Variants in PIK3C2B observed in about 807,000 individuals in gnomAD.
PIK3C2B encodes the protein phosphatidylinositol-4-phosphate 3-kinase catalytic subunit type 2 beta.
Under a neutral mutation model 184.3 loss-of-function variants are expected in PIK3C2B, and 83 were observed. The ratio of observed to expected loss-of-function variants is 0.45; its 90% confidence interval spans 0.38 to 0.54. The LOEUF (loss-of-function observed/expected upper bound fraction) is 0.54. Among genes scored for constraint, PIK3C2B ranks in the 20% least tolerant of loss-of-function variants. The probability of loss-of-function intolerance (pLI) is 0.00; values close to 1 mark genes in which losing one functional copy is unlikely to be tolerated. For missense variants in PIK3C2B, 1,736 were observed against 2,113.5 expected, an observed-to-expected ratio of 0.82 and a Z score of 3.50; for synonymous variants, 779 against 837.6, an observed-to-expected ratio of 0.93 and a Z score of 1.21.
At chr1:204,476,342 C>G (rs367962031) in intron 1 of PIK3C2B, among the ~76,000 whole-genome samples, 1 of 151,900 alleles carries the variant, frequency 6.6e-6, no homozygotes, top group Non-Finnish European at 1.5e-5. Context: ...GAAGCCGAGG[C>G]GGGGGGATTG....
intron 28 of PIK3C2B, among the ~76,000 whole-genome samples, 186 bp from the exon 29 acceptor site, chr1:204,430,224 C>T (rs1455508854): frequency 6.6e-6 from 1 of 152,184 alleles, no homozygotes; most frequent in Admixed American, 6.5e-5. Context: ...GGTCTGACAC[C>T]TGCTCAGCAT....
At chr1:204,493,745 A>C (rs149775572) in intron 1 of PIK3C2B, among the ~76,000 whole-genome samples, 3 of 152,178 alleles carry the variant, frequency 2.0e-5, no homozygotes, top group Non-Finnish European at 4.4e-5. Context: ...GGAGCTGAAA[A>C]TGAGGGACAA....
chr1:204,448,100 CTTATT>C (rs1328688958), intron 14 of PIK3C2B, among the ~76,000 whole-genome samples: 2 of 152,162 alleles, frequency 1.3e-5, no homozygotes, highest in African/African-American at 4.8e-5. Flanking sequence ...ATTCAAAAAA[CTTATT>C]TATTTATTCA....
At chr1:204,466,353 G>T (rs1044932546) in intron 2 of PIK3C2B, among the ~76,000 whole-genome samples, 1 of 152,170 alleles carries the variant, frequency 6.6e-6, no homozygotes, top group Non-Finnish European at 1.5e-5. Context: ...CAACCTCTTG[G>T]CTACTCTCAA....
chr1:204,431,243 G>GT, intron 28 of PIK3C2B: 4 of 243,506 alleles, frequency 1.6e-5, no homozygotes, highest in South Asian at 5.8e-5. Context: ...TGCCGTTTTT[G>GT]TTTTTTTGTG....
chr1:204,424,509 C>CT lies in PIK3C2B; in HGVS notation c.*342_*343insA. ...TTTTTAAAAATAAAAATTAAGATAT[C>CT]CACCCACCCACCCCCAAAATGCTAC... On this transcript the variant is annotated 3_prime_UTR_variant, in exon 33 of 33. Coordinates refer to ENST00000684373, the MANE Select transcript of PIK3C2B (RefSeq NM_001377334.1). The CT allele has an allele frequency of 3.3e-6, 1 of 302,974 alleles. No individual in the cohort carries two copies. Among genetic ancestry groups the CT allele is most frequent in the South Asian group, 2.7e-5 (1 of 37,098 alleles). 18.8% of individuals were successfully genotyped at this position (302,974 alleles called of 1,614,324 possible).
chr1:204,455,721 C>G, intron 11 of PIK3C2B, 135 bp downstream of exon 11: 2 of 714,992 alleles, frequency 2.8e-6, no homozygotes, highest in Non-Finnish European at 4.5e-6. Context: ...CCCCCGCAGC[C>G]CCATTGCACC....
In PIK3C2B at chr1:204,447,300, TG is replaced by T; in HGVS notation, c.2489+135del. ...TAGTGTCAGCTGATGGAGAAAGGCC[TG>T]GGGGCTGCCTCCACTTCCTGCTGAG... On this transcript the variant is annotated intron_variant, in intron 15 of 32. Transcript: ENST00000684373. This position sits in a 1 kb window ranked among gnomAD's most constrained non-coding sequence, Gnocchi z 4.1. The T allele has an allele frequency of 2.6e-6, 2 of 772,016 alleles. No individual in the cohort carries two copies. The highest frequency in any genetic ancestry group is 4.2e-6 in the Non-Finnish European group (2 of 478,236). The allele number at this position is 772,016 out of a possible 1,614,324, so 47.8% of individuals were successfully genotyped here.
At chr1:204,479,736 A>T (rs1023046171) in intron 1 of PIK3C2B, among the ~76,000 whole-genome samples, 1 of 152,160 alleles carries the variant, frequency 6.6e-6, no homozygotes, top group African/African-American at 2.4e-5. Flanking sequence ...CCAGATTGTC[A>T]CCACTGTCAC....
chr1:204,472,050 C>G (rs959565281), intron 1 of PIK3C2B, among the ~76,000 whole-genome samples: 3 of 152,100 alleles, frequency 2.0e-5, no homozygotes, highest in Admixed American at 2.0e-4. Context: ...ATCCTTTTCT[C>G]TAGAAGCCAT....
chr1:204,452,905 G>A (rs560665458), intron 12 of PIK3C2B, among the ~76,000 whole-genome samples: 23 of 152,026 alleles, frequency 1.5e-4, no homozygotes, highest in African/African-American at 4.8e-4. Flanking sequence ...TGATTATCCC[G>A]CCTTGTCCTC....
At chr1:204,440,785 A>G (rs1319061509) in intron 21 of PIK3C2B, among the ~76,000 whole-genome samples, 1 of 146,794 alleles carries the variant, frequency 6.8e-6, no homozygotes, top group Admixed American at 6.7e-5. Context: ...ATATATATAT[A>G]TATTTTTAGT....
intron 2 of PIK3C2B, among the ~76,000 whole-genome samples, chr1:204,465,935 T>C (rs893812393): frequency 3.9e-5 from 6 of 152,224 alleles, no homozygotes; most frequent in African/African-American, 7.2e-5. Flanking sequence ...TGGTAGAAGC[T>C]TGGCTCCTCT....
intron 28 of PIK3C2B, among the ~76,000 whole-genome samples, 191 bp from the exon 29 acceptor site, chr1:204,430,229 C>A (rs541727804): frequency 6.6e-6 from 1 of 152,300 alleles, no homozygotes; most frequent in East Asian, 1.9e-4. Flanking sequence ...GACACCTGCT[C>A]AGCATCTCAT....
rs760844306 is a variant in PIK3C2B, at chr1:204,457,778, G to C, written c.1663C>G (p.Leu555Val). The C allele has an allele frequency of 6.2e-7, 1 of 1,613,402 alleles. No homozygotes were observed. The highest frequency in any genetic ancestry group is 8.5e-7 in the Non-Finnish European group (1 of 1,179,694). ...GAGGGGCAGGGGGGCAGCTGGTTGA[G>C]AGCACTGGTGATCTCAGGGGTTTCC... Reference protein sequence around the residue: ...AVETPEITSALNQLPPCPSRM... With the variant: ...AVETPEITSAVNQLPPCPSRM... Residue 555 changes from leucine (L) to valine (V), a missense_variant, in exon 9 of 33, where the codon CTC becomes GTC. Physicochemically the swap from Leu to Val is conservative, Grantham distance 32. Around this residue, in one of 8 missense-constraint regions of PIK3C2B, gnomAD observed 609 missense variants for 699.2 expected, o/e 0.87. Coordinates refer to ENST00000684373, the MANE Select transcript of PIK3C2B (RefSeq NM_001377334.1).
rs751654704 is a variant in PIK3C2B at position 204,464,522 on chromosome 1, C to T, written c.1117G>A (p.Gly373Arg). The T allele has an allele frequency of 3.1e-6, 5 of 1,613,584 alleles. No individual in the cohort carries two copies. The South Asian group carries it at 3.3e-5, about 11-fold the overall frequency. The change falls in exon 4 of 33, where the codon GGG (glycine) becomes AGG (arginine). Residue 373 changes from glycine to arginine, a missense_variant. Transcript: ENST00000684373. ...SAVTPSPEHL[G>R]DEVNLKVTVL... ...GTCACCTTCAGGTTGACCTCATCCCCGAGGTGCTCTGGGCTAGGGGTGACA... is the reference window on the plus strand; with the variant it reads ...GTCACCTTCAGGTTGACCTCATCCCTGAGGTGCTCTGGGCTAGGGGTGACA...
At chr1:204,460,215 GAC>G in intron 7 of PIK3C2B, 107 bp downstream of exon 7, 5 of 890,074 alleles carry the variant, frequency 5.6e-6, no homozygotes, top group Non-Finnish European at 9.1e-6. Flanking sequence ...CCCAACCCCT[GAC>G]ACCTGCAAGA....
At chr1:204,448,511 G>T (rs759303184) in intron 14 of PIK3C2B, among the ~76,000 whole-genome samples, 2 of 151,970 alleles carry the variant, frequency 1.3e-5, no homozygotes, top group East Asian at 3.9e-4. Flanking sequence ...GGTGGTGTGC[G>T]CCTGTAGTCT....
chr1:204,455,099 TGTGCGTGCGTGTGTGCGCGTGCAC>T (rs1654720752), intron 11 of PIK3C2B, among the ~76,000 whole-genome samples: 1 of 152,222 alleles, frequency 6.6e-6, no homozygotes, highest in Admixed American at 6.5e-5. Context: ...AGCGTCTGTG[TGTGCGTGCGTGTGTGCGCGTGCAC>T]GTGCATGCGC....
Sources: allele counts gnomAD v4.1 joint callset (sites outside exome capture counted in the v4.1 genomes callset), GRCh38; gene constraint gnomAD v4.1.1; regional missense constraint gnomAD v4.1.1; non-coding constraint Gnocchi (gnomAD v3.1); transcripts MANE v1.5; gene names NCBI Gene and HGNC (gene_info 2026-07-23, HGNC 2026-07-21).